The following PDE4D variants were observed in gnomAD, a reference collection of about 807,000 sequenced individuals.
PDE4D encodes 3',5'-cyclic-AMP phosphodiesterase 4D.
In PDE4D, 24 loss-of-function variants were observed where a neutral mutation model predicts 87.4. That is an observed-to-expected ratio of 0.27 (90% CI 0.20 to 0.39). The LOEUF is 0.39. Among genes scored for constraint, PDE4D ranks in the 10% least tolerant of loss-of-function variants. PDE4D has a pLI of 1.00. For missense variants in PDE4D, 714 were observed against 1,041.0 expected, an observed-to-expected ratio of 0.69 and a Z score of 4.32; for synonymous variants, 384 against 383.2, an observed-to-expected ratio of 1.00 and a Z score of -0.02.
chr5:59,181,250 A>C (rs2054443), intron 4 of PDE4D, among the ~76,000 whole-genome samples: 151,769 of 151,862 alleles, frequency 1, 75,839 homozygotes, highest in Non-Finnish European at 1. Context: ...TAAATAAATT[A>C]TATCTTGTGT....
At chr5:59,665,619 C>A (rs1745952376) in intron 1 of PDE4D, among the ~76,000 whole-genome samples, 1 of 152,128 alleles carries the variant, frequency 6.6e-6, no homozygotes, top group South Asian at 2.1e-4. Flanking sequence ...TACAAATAAG[C>A]TGAAATGACC....
chr5:59,685,367 T>C (rs1749678928), intron 1 of PDE4D, among the ~76,000 whole-genome samples: 1 of 152,192 alleles, frequency 6.6e-6, no homozygotes, highest in Non-Finnish European at 1.5e-5. Flanking sequence ...ACTTTAGACA[T>C]ACTAAATTAA....
At chr5:60,435,010 G>C (rs1378695747) in intron 1 of PDE4D, among the ~76,000 whole-genome samples, 1 of 152,108 alleles carries the variant, frequency 6.6e-6, no homozygotes, top group Non-Finnish European at 1.5e-5. Context: ...TTAAAGGGAA[G>C]TAAACATGGG....
At position 60,170,394 on chromosome 5, in the gene PDE4D, A is replaced by T. The variant is rs568134364; in HGVS notation, c.42+15163T>A. Among the ~76,000 whole-genome samples the T allele has an allele frequency of 2.0e-5, 3 of 152,136 alleles. No homozygotes were observed. The South Asian group carries it at 6.2e-4, about 32-fold the overall frequency. On this transcript the variant is annotated intron_variant, in intron 2 of 16. Transcript: ENST00000502484. ...TACAGAGTAAAAGGGAACAAACTAA[A>T]AAAGAAGGAAAAGAGTGAACAGATC...
chr5:59,418,271 G>A (rs1348359331), intron 1 of PDE4D, among the ~76,000 whole-genome samples: 2 of 152,086 alleles, frequency 1.3e-5, no homozygotes, highest in Non-Finnish European at 2.9e-5. Context: ...TAAAAATATA[G>A]TCTCATTCTC....
At chr5:60,375,322 A>G (rs1276489371) in intron 1 of PDE4D, among the ~76,000 whole-genome samples, 1 of 152,164 alleles carries the variant, frequency 6.6e-6, no homozygotes, top group Non-Finnish European at 1.5e-5. Context: ...GAATGAATGA[A>G]TGCTCCCTAC....
chr5:59,205,484 C>T lies in PDE4D; in HGVS notation c.647+10293G>A, dbSNP rs774790199. Among the ~76,000 whole-genome samples the T allele has an allele frequency of 1.1e-4, 17 of 151,986 alleles. 1 individual carries two copies. The highest frequency in any genetic ancestry group is 5.8e-4 in the East Asian group (3 of 5,190). Reference sequence around the variant, plus strand: ...AAATACTGTTTTGTTTTTACCATGCCGCTTTCTGTATGCTCAAATGGATTT... The same window carrying T: ...AAATACTGTTTTGTTTTTACCATGCTGCTTTCTGTATGCTCAAATGGATTT... On this transcript the variant is annotated intron_variant, in intron 2 of 14. Coordinates refer to ENST00000340635, the MANE Select transcript of PDE4D (RefSeq NM_001104631.2).
intron 2 of PDE4D, among the ~76,000 whole-genome samples, chr5:60,145,205 T>C (rs1780885567): frequency 6.6e-6 from 1 of 152,190 alleles, no homozygotes; most frequent in Admixed American, 6.5e-5. Flanking sequence ...ACCACTGAAA[T>C]CACTATAATT....
At chr5:60,374,798 G>T (rs115949621) in intron 1 of PDE4D, among the ~76,000 whole-genome samples, 4 of 152,240 alleles carry the variant, frequency 2.6e-5, no homozygotes, top group African/African-American at 9.6e-5. Context: ...GACTTCATTT[G>T]CTACTTCATA....
At chr5:59,966,342 G>C (rs1760051572) in intron 3 of PDE4D, among the ~76,000 whole-genome samples, 1 of 152,172 alleles carries the variant, frequency 6.6e-6, no homozygotes, top group African/African-American at 2.4e-5. Context: ...CTCCAGGAGG[G>C]AGGGGAAAAT....
At chr5:59,092,082 A>C (rs1483084535) in intron 5 of PDE4D, among the ~76,000 whole-genome samples, 1 of 152,208 alleles carries the variant, frequency 6.6e-6, no homozygotes, top group Non-Finnish European at 1.5e-5. Context: ...GAGCACACTT[A>C]ATTGAATTTT....
chr5:59,676,770 T>C (rs905956929), intron 1 of PDE4D, among the ~76,000 whole-genome samples: 5 of 152,192 alleles, frequency 3.3e-5, no homozygotes, highest in African/African-American at 1.2e-4. Context: ...ACATTTTTCA[T>C]TTCTTTGGGA....
chr5:58,996,516 C>T (rs1004879329), intron 6 of PDE4D, among the ~76,000 whole-genome samples: 4 of 152,078 alleles, frequency 2.6e-5, no homozygotes, highest in African/African-American at 7.2e-5. Flanking sequence ...AAGCTTTCAC[C>T]ATTGCTAGAA....
intron 1 of PDE4D, among the ~76,000 whole-genome samples, chr5:60,465,875 T>A (rs1207047817): frequency 1.4e-5 from 2 of 142,028 alleles, no homozygotes; most frequent in African/African-American, 2.6e-5. Flanking sequence ...AATGCTGCAG[T>A]GAAAGTGAAA....
intron 5 of PDE4D, among the ~76,000 whole-genome samples, chr5:59,159,466 C>G (rs1200906563): frequency 2.0e-5 from 3 of 152,128 alleles, no homozygotes; most frequent in Non-Finnish European, 4.4e-5. Context: ...TATATTGTGT[C>G]AAGTCCTTGG....
At chr5:59,037,087 T>G (rs1161586681) in intron 6 of PDE4D, among the ~76,000 whole-genome samples, 2 of 152,182 alleles carry the variant, frequency 1.3e-5, no homozygotes, top group Non-Finnish European at 2.9e-5. Flanking sequence ...CTAAAAAATT[T>G]TTAAATCTTA....
At chr5:60,351,065 A>G (rs556612749) in intron 1 of PDE4D, among the ~76,000 whole-genome samples, 35 of 152,290 alleles carry the variant, frequency 2.3e-4, no homozygotes, top group African/African-American at 8.4e-4. Flanking sequence ...GTGCTCAGGC[A>G]TTTTTGGCAG....
chr5:60,100,882 A>C (rs932465999), intron 2 of PDE4D, among the ~76,000 whole-genome samples: 1 of 152,108 alleles, frequency 6.6e-6, no homozygotes, highest in Non-Finnish European at 1.5e-5. Flanking sequence ...AAAGGATGTT[A>C]ACCTTCTAGG....
At chr5:60,320,627 C>T (rs774194631) in intron 1 of PDE4D, among the ~76,000 whole-genome samples, 1 of 152,142 alleles carries the variant, frequency 6.6e-6, no homozygotes, top group Non-Finnish European at 1.5e-5. Context: ...TTGGCTCCAC[C>T]AGTCAGTATG....
Sources: allele counts gnomAD v4.1 joint callset (sites outside exome capture counted in the v4.1 genomes callset), GRCh38; gene constraint gnomAD v4.1.1; transcripts MANE v1.5; gene names NCBI Gene and HGNC (gene_info 2026-07-23, HGNC 2026-07-21).